The following LPXN variants were observed in gnomAD, a reference collection of about 807,000 sequenced individuals.
The protein encoded by LPXN is leupaxin.
In LPXN, 28 loss-of-function variants were observed where a neutral mutation model predicts 45.6. The observed-to-expected ratio is 0.61, with a 90% CI of 0.45 to 0.84. The LOEUF is 0.84. Among genes scored for constraint, LPXN ranks in the 40% least tolerant of loss-of-function variants. The probability of loss-of-function intolerance (pLI) is 0.00; values close to 1 mark genes in which losing one functional copy is unlikely to be tolerated. For synonymous variants in LPXN, 166 were observed against 169.9 expected (o/e 0.98, Z 0.18); for missense variants, 459 against 475.0 (o/e 0.97, Z 0.31).
intron 7 of LPXN, among the ~76,000 whole-genome samples, chr11:58,542,045 TG>T (rs1030847828): frequency 1.6e-5 from 2 of 122,326 alleles, no homozygotes; most frequent in Non-Finnish European, 3.4e-5. Flanking sequence ...TGTTGTGGGG[TG>T]GGGGGAGTGG....
At chr11:58,578,432 T>C (rs1854982019), upstream of LPXN, among the ~76,000 whole-genome samples, 1 of 152,210 alleles carries the variant, frequency 6.6e-6, no homozygotes, top group Non-Finnish European at 1.5e-5. Flanking sequence ...ACGGTGCGCA[T>C]GCGCCAAGAG....
At chr11:58,551,527 C>T (rs1854051322) in intron 4 of LPXN, among the ~76,000 whole-genome samples, 1 of 151,922 alleles carries the variant, frequency 6.6e-6, no homozygotes, top group Non-Finnish European at 1.5e-5. Context: ...TTAGGATGAC[C>T]CCAGTTCAAA....
intron 7 of LPXN, among the ~76,000 whole-genome samples, chr11:58,532,035 A>G (rs897239931): frequency 6.6e-6 from 1 of 152,208 alleles, no homozygotes; most frequent in Non-Finnish European, 1.5e-5. Flanking sequence ...CAGGCCCCGC[A>G]CTCAGAGTGG....
Position 58,528,207 on chromosome 11 carries a change from C to T in LPXN, c.743-16G>A. 6.2e-7 allele frequency: 1 copy of T among 1,610,912 alleles called. No homozygotes were observed. The highest frequency in any genetic ancestry group is 8.5e-7 in the Non-Finnish European group (1 of 1,177,632). ...TCATGAAAGCCTGGAGAGATAAAAT[C>T]AGGAATTCACTGTTGCAGGTTGAGC... is the stretch of plus-strand genomic sequence containing the variant. On this transcript the variant is annotated splice_polypyrimidine_tract_variant and intron_variant, in intron 7 of 8. Coordinates refer to ENST00000395074, the MANE Select transcript of LPXN (RefSeq NM_004811.3).
At position 58,554,878 on chromosome 11, in the gene LPXN, T is replaced by A; in HGVS notation, c.281A>T (p.Asp94Val). The stretch of plus-strand genomic sequence containing the variant: ...CTCAGTCAGGTGAGCCATGAGCTCA[T>A]CCAACTGAGCAGCTGCTGACGTTTT... ...PSKTSAAAQL[D>V]ELMAHLTEMQ... is the part of the protein sequence containing the mutation. The change falls in exon 4 of 9, where the codon GAT becomes GTT. Residue 94 changes from aspartate (D) to valine (V), a missense_variant. Asp to Val is a radical substitution (Grantham distance 152). Coordinates refer to ENST00000395074, the MANE Select transcript of LPXN (RefSeq NM_004811.3). 1.2e-6 allele frequency: 2 copies of A among 1,614,032 alleles called. No individual in the cohort carries two copies. Among genetic ancestry groups the A allele is most frequent in the East Asian group, 2.2e-5 (1 of 44,870 alleles).
intron 5 of LPXN, 31 bp downstream of exon 5, chr11:58,551,034 G>C (rs986431286): frequency 3.9e-6 from 6 of 1,519,098 alleles, no homozygotes; most frequent in African/African-American, 1.4e-5. Context: ...GACAAAGAAG[G>C]CTGTAGGACC....
upstream of LPXN, among the ~76,000 whole-genome samples, chr11:58,577,529 T>C (rs1055847412): frequency 8.5e-5 from 13 of 152,206 alleles, no homozygotes; most frequent in African/African-American, 3.1e-4. Context: ...GTAAAGGATG[T>C]TCTTGCAAAT....
At chr11:58,544,478 A>C (rs1334860136) in intron 7 of LPXN, among the ~76,000 whole-genome samples, 2 of 152,164 alleles carry the variant, frequency 1.3e-5, no homozygotes, top group African/African-American at 4.8e-5. Context: ...AGACATGCCA[A>C]CTATCTGAGA....
rs537238248 is a variant in LPXN at position 58,527,770 on chromosome 11, T to C, written c.892-47A>G. ...GAAAAAGAATGCAAATGTCAAGAGG[T>C]AAAATGTCAGCAAAGTAAAATTTTC... On this transcript the variant is annotated intron_variant, in intron 8 of 8. Transcript: ENST00000395074. 351 of 1,563,530 alleles carry C rather than the reference T, an allele frequency of 2.2e-4. 2 individuals carry two copies. The South Asian group carries it at 3.8e-3, about 17-fold the overall frequency.
At position 58,541,404 on chromosome 11, in the gene LPXN, G is replaced by T. The variant is rs1853718053; in HGVS notation, c.742+8382C>A. The stretch of plus-strand genomic sequence containing the variant: ...GGATATGAACAGACACTTCTCAAAA[G>T]AAGACATTTATGCAGGCAAAAGACA... On this transcript the variant is annotated intron_variant, in intron 7 of 8. Coordinates refer to ENST00000395074, the MANE Select transcript of LPXN (RefSeq NM_004811.3). Among the ~76,000 whole-genome samples, 3 of 152,268 alleles carry T rather than the reference G, an allele frequency of 2.0e-5. No individual in the cohort carries two copies. The South Asian group carries it at 6.2e-4, about 32-fold the overall frequency.
rs572412191 is a variant in LPXN, at chr11:58,572,135, A to G, written c.14-1422T>C. Among the ~76,000 whole-genome samples the G allele has an allele frequency of 6.6e-5, 10 of 152,308 alleles. No individual in the cohort carries two copies. The South Asian group carries it at 2.1e-3, about 32-fold the overall frequency. ...ATTTTAGCTTTCAAACTTTAAACAC[A>G]TAATTACATTATTTCTAAGGACCTG... On this transcript the variant is annotated intron_variant, in intron 1 of 8. Transcript: ENST00000395074.
chr11:58,567,022 G>A (rs762799986), intron 2 of LPXN, among the ~76,000 whole-genome samples: 117 of 144,630 alleles, frequency 8.1e-4, no homozygotes, highest in Non-Finnish European at 1.0e-3. Context: ...GTGTGTGTGT[G>A]TATATATATA....
chr11:58,578,069 G>C, upstream of LPXN: 4 of 1,550,136 alleles, frequency 2.6e-6, no homozygotes, highest in Non-Finnish European at 3.5e-6. Flanking sequence ...GCCAGTCCCA[G>C]AGGAGGTGTC....
intron 2 of LPXN, 52 bp from the exon 3 acceptor site, chr11:58,564,253 G>A (rs758344847): frequency 8.3e-7 from 1 of 1,208,360 alleles, no homozygotes; most frequent in Admixed American, 1.8e-5. Context: ...TTTGTTATCA[G>A]AATGTTGAGG....
chr11:58,532,734 C>T (rs1440103627), intron 7 of LPXN, among the ~76,000 whole-genome samples: 1 of 152,178 alleles, frequency 6.6e-6, no homozygotes, highest in Non-Finnish European at 1.5e-5. Context: ...CTGTAAAATG[C>T]ACCAATTAGC....
At chr11:58,562,829 G>A (rs1183936012) in intron 3 of LPXN, among the ~76,000 whole-genome samples, 1 of 152,120 alleles carries the variant, frequency 6.6e-6, no homozygotes, top group Non-Finnish European at 1.5e-5. Flanking sequence ...GAAATGCCCT[G>A]GATTTCACTG....
upstream of LPXN, chr11:58,577,954 A>C: frequency 6.5e-7 from 1 of 1,539,264 alleles, no homozygotes; most frequent in Middle Eastern, 1.7e-4. Context: ...CGAGGGCCCA[A>C]GGACCCCATG....
intron 1 of LPXN, among the ~76,000 whole-genome samples, chr11:58,572,358 T>C (rs1238780671): frequency 6.6e-6 from 1 of 152,124 alleles, no homozygotes; most frequent in Non-Finnish European, 1.5e-5. Context: ...TTGACTTTTA[T>C]GTACCATTTT....
chr11:58,528,243 A>G, intron 7 of LPXN, 52 bp from the exon 8 acceptor site: 2 of 1,564,970 alleles, frequency 1.3e-6, no homozygotes, highest in Non-Finnish European at 1.7e-6. Flanking sequence ...CCTGAAAGCT[A>G]CACTGGAGAC....
Sources: gnomAD v4.1 joint callset for allele counts (sites outside exome capture counted in the v4.1 genomes callset) on GRCh38, gnomAD v4.1.1 for gene constraint, MANE v1.5 for transcripts, NCBI Gene and HGNC (gene_info 2026-07-23, HGNC 2026-07-21) for gene names.